The following STPG4 variants were observed in gnomAD, a reference collection of about 807,000 sequenced individuals.
STPG4 encodes the protein sperm-tail PG-rich repeat containing 4.
A neutral mutation model predicts 31.5 loss-of-function variants in STPG4; 41 were observed. That is an observed-to-expected ratio of 1.30 (90% CI 1.01 to 1.69). The LOEUF (loss-of-function observed/expected upper bound fraction) is 1.69, where lower values mean the gene tolerates loss of function less well. Among genes scored for constraint, STPG4 ranks in the 40% most tolerant of loss-of-function variants. The pLI, the probability that STPG4 is intolerant of heterozygous loss-of-function variation, is 0.00. For missense variants in STPG4, 375 were observed against 293.4 expected, an observed-to-expected ratio of 1.28 and a Z score of -2.03; for synonymous variants, 141 against 103.0, an observed-to-expected ratio of 1.37 and a Z score of -2.24.
At chr2:47,103,602 G>A (rs1353394844) in intron 5 of STPG4, among the ~76,000 whole-genome samples, 2 of 151,934 alleles carry the variant, frequency 1.3e-5, no homozygotes, top group African/African-American at 4.9e-5. Flanking sequence ...GGTAGGGCTT[G>A]TTATCAGTGT....
intron 3 of STPG4, among the ~76,000 whole-genome samples, chr2:47,131,808 G>A (rs1462956575): frequency 1.3e-5 from 2 of 152,140 alleles, no homozygotes; most frequent in African/African-American, 2.4e-5. Flanking sequence ...CAAACAACCC[G>A]GGTGGCTCCA....
chr2:47,092,396 T>G (rs906939566), intron 5 of STPG4, among the ~76,000 whole-genome samples: 60 of 148,902 alleles, frequency 4.0e-4, no homozygotes, highest in Non-Finnish European at 5.2e-4. Flanking sequence ...GTTGTGGGGG[T>G]GTGTTCCTGT....
chr2:47,141,188 T>C (rs1459359758), intron 3 of STPG4, among the ~76,000 whole-genome samples: 4 of 152,040 alleles, frequency 2.6e-5, no homozygotes, highest in African/African-American at 9.7e-5. Flanking sequence ...CTCCCAGCCA[T>C]TTCCAGGTCT....
chr2:47,153,557 A>T (rs1686976239), intron 1 of STPG4, among the ~76,000 whole-genome samples: 1 of 152,246 alleles, frequency 6.6e-6, no homozygotes, highest in Non-Finnish European at 1.5e-5. Flanking sequence ...GTTTAAGACC[A>T]GCCTGGCCAA....
intron 5 of STPG4, among the ~76,000 whole-genome samples, chr2:47,124,016 T>C (rs1405202357): frequency 6.6e-6 from 1 of 152,168 alleles, no homozygotes; most frequent in African/African-American, 2.4e-5. Flanking sequence ...GGAGTCTCAC[T>C]CTGTTGCCCA....
chr2:47,096,449 T>C (rs1685670254), intron 5 of STPG4, among the ~76,000 whole-genome samples: 1 of 152,214 alleles, frequency 6.6e-6, no homozygotes, highest in Non-Finnish European at 1.5e-5. Context: ...CTGGGACAAA[T>C]TCACTGCATT....
intron 1 of STPG4, 70 bp downstream of exon 1, chr2:47,155,101 C>T: frequency 7.0e-7 from 1 of 1,435,192 alleles, no homozygotes; most frequent in Non-Finnish European, 9.8e-7. Context: ...GATTAGAGAG[C>T]GGTGGGAAAA....
At chr2:47,134,617 C>G (rs1477350654) in intron 3 of STPG4, among the ~76,000 whole-genome samples, 1 of 152,222 alleles carries the variant, frequency 6.6e-6, no homozygotes, top group African/African-American at 2.4e-5. Flanking sequence ...TTAGCAACAT[C>G]TTTGTTGCTT....
chr2:47,150,782 G>T (rs1357172688), intron 3 of STPG4, among the ~76,000 whole-genome samples: 1 of 151,818 alleles, frequency 6.6e-6, no homozygotes, highest in Non-Finnish European at 1.5e-5. Flanking sequence ...ACTACACCCG[G>T]CTATTTTTCT....
chr2:47,113,157 G>A (rs1342991020), intron 5 of STPG4, among the ~76,000 whole-genome samples: 1 of 152,116 alleles, frequency 6.6e-6, no homozygotes, highest in African/African-American at 2.4e-5. Flanking sequence ...GAGGTAGTGG[G>A]CATTGATAAA....
chr2:47,110,950 C>A (rs887618207), intron 5 of STPG4, among the ~76,000 whole-genome samples: 1 of 152,130 alleles, frequency 6.6e-6, no homozygotes, highest in African/African-American at 2.4e-5. Flanking sequence ...ACAAATTATA[C>A]CTTTTAAAAA....
intron 1 of STPG4, among the ~76,000 whole-genome samples, chr2:47,154,336 A>T (rs755730193): frequency 6.6e-6 from 1 of 152,224 alleles, no homozygotes. Flanking sequence ...AGTCACAGAA[A>T]TACAACTTTC....
intron 5 of STPG4, among the ~76,000 whole-genome samples, chr2:47,092,503 G>A (rs1685588038): frequency 6.9e-6 from 1 of 144,750 alleles, no homozygotes; most frequent in African/African-American, 2.5e-5. Flanking sequence ...ACTCCAGCCT[G>A]GGAAACAGAA....
chr2:47,137,317 C>G (rs559452922), intron 3 of STPG4, among the ~76,000 whole-genome samples: 3 of 152,214 alleles, frequency 2.0e-5, no homozygotes, highest in African/African-American at 7.2e-5. Flanking sequence ...CATTGCATAC[C>G]TGGGATAAAT....
intron 1 of STPG4, 22 bp downstream of exon 1, chr2:47,155,149 G>A (rs376392636): frequency 1.4e-5 from 23 of 1,611,118 alleles, no homozygotes; most frequent in African/African-American, 4.0e-5. Context: ...GAGCCAGGCC[G>A]GCAAGGGGCA....
At chr2:47,098,029 G>A (rs142772862) in intron 5 of STPG4, among the ~76,000 whole-genome samples, 31 of 151,336 alleles carry the variant, frequency 2.0e-4, no homozygotes, top group East Asian at 1.7e-3. Context: ...TGCTTTTCAC[G>A]TGTGTATGAA....
intron 5 of STPG4, among the ~76,000 whole-genome samples, chr2:47,095,648 C>T (rs558282304): frequency 5.0e-4 from 76 of 152,264 alleles, no homozygotes; most frequent in African/African-American, 1.6e-3. Flanking sequence ...TGTTCCAGGC[C>T]ATGGGCTGGA....
At chr2:47,155,098 G>A (rs576679293) in intron 1 of STPG4, 73 bp downstream of exon 1, 3 of 1,420,516 alleles carry the variant, frequency 2.1e-6, no homozygotes, top group African/African-American at 1.4e-5. Flanking sequence ...TGGGATTAGA[G>A]AGCGGTGGGA....
intron 5 of STPG4, among the ~76,000 whole-genome samples, chr2:47,092,599 G>A (rs1685592515): frequency 8.9e-6 from 1 of 112,300 alleles, no homozygotes; most frequent in Non-Finnish European, 1.8e-5. Context: ...AGGGGAGGGA[G>A]AAGGGGAGGG....
Sources: gnomAD v4.1 joint callset for allele counts (sites outside exome capture counted in the v4.1 genomes callset) on GRCh38, gnomAD v4.1.1 for gene constraint, MANE v1.5 for transcripts, NCBI Gene and HGNC (gene_info 2026-07-23, HGNC 2026-07-21) for gene names.